The following GALC variants were observed in gnomAD, a reference collection of about 807,000 sequenced individuals.
GALC encodes galactosylceramidase.
Under a neutral mutation model 91.8 loss-of-function variants are expected in GALC, and 77 were observed. The observed-to-expected ratio is 0.84, with a 90% confidence interval of 0.70 to 1.01. The LOEUF (loss-of-function observed/expected upper bound fraction) is 1.01, where lower values mean the gene tolerates loss of function less well. Ranked by LOEUF, GALC falls within the 50% of genes least tolerant of loss-of-function variation. GALC has a pLI of 0.00. For missense variants in GALC, 882 were observed against 855.9 expected (o/e 1.03, Z -0.38); for synonymous variants, 357 against 306.7 (o/e 1.16, Z -1.71).
chr14:87,968,480 G>A lies in GALC; in HGVS notation c.763C>T (p.Pro255Ser). 6.2e-7 allele frequency: 1 copy of A among 1,613,538 alleles called. No individual in the cohort carries two copies. The highest frequency in any genetic ancestry group is 8.5e-7 in the Non-Finnish European group (1 of 1,179,774). ...KVVDVIGAHY[P>S]GTHSAKDAKL... is the part of the protein sequence containing the mutation. The stretch of plus-strand genomic sequence containing the variant: ...GCATCTTTTGCTGAATGGGTTCCAG[G>A]ATAATGAGCCCTAGAAAAAAAAAGG... Residue 255 changes from proline (P) to serine (S), a missense_variant, in exon 8 of 17, where the codon CCT (proline) becomes TCT (serine). Transcript: ENST00000261304.
Position 87,976,409 on chromosome 14 carries a change from G to C in GALC, c.701C>G (p.Ser234Cys), listed in dbSNP as rs776784404. Residue 234 changes from serine to cysteine, a missense_variant, in exon 7 of 17, where the codon TCT becomes TGT. Transcript: ENST00000261304. Reference sequence around the variant, plus strand: ...TTCGGCATCAAGGAGCATGGATGCAGAGATGGACTCCCAGAGATTATCACT... The same window carrying C: ...TTCGGCATCAAGGAGCATGGATGCACAGATGGACTCCCAGAGATTATCACT... ...IASDNLWESI[S>C]ASMLLDAELF... The C allele has an allele frequency of 1.2e-6, 2 of 1,613,930 alleles. No individual in the cohort carries two copies. Among genetic ancestry groups the C allele is most frequent in the Non-Finnish European group, 1.7e-6 (2 of 1,179,810 alleles).
At chr14:87,943,296 T>C (rs1344529117) in intron 14 of GALC, among the ~76,000 whole-genome samples, 2 of 152,024 alleles carry the variant, frequency 1.3e-5, no homozygotes, top group African/African-American at 4.8e-5. Flanking sequence ...CAATGCTCAC[T>C]ATCAAGATAG....
At chr14:87,938,449 A>AT (rs1884686986) in intron 16 of GALC, among the ~76,000 whole-genome samples, 1 of 152,028 alleles carries the variant, frequency 6.6e-6, no homozygotes, top group South Asian at 2.1e-4. Context: ...TAAAAGCGTG[A>AT]TTTTGGATAA....
At chr14:87,961,152 G>A (rs774175911) in intron 10 of GALC, among the ~76,000 whole-genome samples, 3 of 152,096 alleles carry the variant, frequency 2.0e-5, no homozygotes, top group Non-Finnish European at 4.4e-5. Context: ...AATGGGCAGA[G>A]TTTAAATAGA....
At chr14:87,940,051 T>C (rs1884771234) in intron 15 of GALC, 70 bp from the exon 16 acceptor site, 7 of 1,283,376 alleles carry the variant, frequency 5.5e-6, no homozygotes, top group Middle Eastern at 2.0e-4. Context: ...TATAATTCAG[T>C]GGGGTTCTTG....
intron 6 of GALC, among the ~76,000 whole-genome samples, chr14:87,979,157 T>C (rs1886637334): frequency 6.6e-6 from 1 of 152,140 alleles, no homozygotes; most frequent in South Asian, 2.1e-4. Flanking sequence ...CCCAAGTAGA[T>C]GGGATTACAG....
upstream of GALC, chr14:87,993,329 T>C (rs934431060): frequency 1.3e-6 from 2 of 1,535,724 alleles, no homozygotes; most frequent in African/African-American, 2.7e-5. Context: ...GCAGCGAGCT[T>C]TTTCTTATCG....
intron 15 of GALC, among the ~76,000 whole-genome samples, chr14:87,940,333 C>T (rs1201904647): frequency 6.6e-6 from 1 of 151,776 alleles, no homozygotes; most frequent in Non-Finnish European, 1.5e-5. Context: ...ACAAGAGAGA[C>T]AGAATATAAA....
At chr14:87,977,237 C>T (rs1305961062) in intron 6 of GALC, among the ~76,000 whole-genome samples, 5 of 152,062 alleles carry the variant, frequency 3.3e-5, no homozygotes, top group Admixed American at 3.3e-4. Context: ...CATTATTAAA[C>T]AGGAGAGCAA....
chr14:87,986,812 G>T (rs1262431205), intron 3 of GALC, among the ~76,000 whole-genome samples: 1 of 152,006 alleles, frequency 6.6e-6, no homozygotes, highest in Non-Finnish European at 1.5e-5. Flanking sequence ...CTTAAGCATT[G>T]TAAAAGTCTT....
At chr14:87,992,453 C>A in intron 1 of GALC, 1 of 1,534,814 alleles carries the variant, frequency 6.5e-7, no homozygotes, top group Non-Finnish European at 8.7e-7. Flanking sequence ...CTGGAGGAGC[C>A]CATTCTTACC....
intron 14 of GALC, among the ~76,000 whole-genome samples, chr14:87,943,072 C>T (rs1884924040): frequency 6.6e-6 from 1 of 152,006 alleles, no homozygotes; most frequent in South Asian, 2.1e-4. Flanking sequence ...TACCACATTC[C>T]AGAATAAGTG....
chr14:87,967,686 A>G (rs1043995665), intron 8 of GALC, among the ~76,000 whole-genome samples: 4 of 152,174 alleles, frequency 2.6e-5, no homozygotes, highest in Admixed American at 6.6e-5. Flanking sequence ...AAGTGATGCC[A>G]TGAGGAATCA....
chr14:87,985,674 A>G (rs1027696203), intron 4 of GALC, among the ~76,000 whole-genome samples: 11 of 152,242 alleles, frequency 7.2e-5, no homozygotes, highest in African/African-American at 2.7e-4. Flanking sequence ...ATAACTAGAA[A>G]TCAGGTCTTT....
chr14:87,938,184 C>A (rs1176104933), intron 16 of GALC, among the ~76,000 whole-genome samples: 1 of 151,912 alleles, frequency 6.6e-6, no homozygotes, highest in African/African-American at 2.4e-5. Flanking sequence ...ACAGAGCCAG[C>A]AGTGAGGAAT....
At chr14:87,956,779 C>T (rs1022499943) in intron 10 of GALC, among the ~76,000 whole-genome samples, 2 of 151,840 alleles carry the variant, frequency 1.3e-5, no homozygotes, top group African/African-American at 4.8e-5. Context: ...GGTAGATATC[C>T]AGTAGTAGGA....
chr14:87,963,289 T>C (rs913755825), intron 10 of GALC, 95 bp downstream of exon 10: 3 of 1,304,754 alleles, frequency 2.3e-6, no homozygotes, highest in Non-Finnish European at 3.3e-6. Context: ...TGTATGCTTA[T>C]GTATTTACAT....
intron 6 of GALC, among the ~76,000 whole-genome samples, chr14:87,978,292 C>A (rs1886590995): frequency 6.6e-6 from 1 of 152,142 alleles, no homozygotes; most frequent in South Asian, 2.1e-4. Flanking sequence ...CTCAGGTGGT[C>A]CGCCACTTTG....
intron 14 of GALC, 75 bp from the exon 15 acceptor site, chr14:87,941,633 AG>A: frequency 1.9e-6 from 2 of 1,032,134 alleles, no homozygotes; most frequent in South Asian, 2.5e-5. Context: ...GTCATTTCAC[AG>A]CACATGCTTC....
Sources: allele counts gnomAD v4.1 joint callset (sites outside exome capture counted in the v4.1 genomes callset), GRCh38; gene constraint gnomAD v4.1.1; transcripts MANE v1.5; gene names NCBI Gene and HGNC (gene_info 2026-07-23, HGNC 2026-07-21).